Variants in PRAMEF11 observed in about 807,000 individuals in gnomAD.
PRAMEF11 encodes the protein PRAME family member 11.
PRAMEF11 carries 17 observed loss-of-function variants against 33.6 expected under a neutral mutation model. The observed-to-expected ratio is 0.51, with a 90% confidence interval of 0.35 to 0.76. PRAMEF11 has a LOEUF of 0.76. PRAMEF11 is among the 30% of genes least tolerant of loss of function. The pLI is 0.01. For synonymous variants in PRAMEF11, 205 were observed against 227.3 expected (o/e 0.90, Z 0.88); for missense variants, 568 against 567.0 (o/e 1.00, Z -0.02).
In PRAMEF11 at chr1:12,824,731, C is replaced by T. The variant is rs182572639; in HGVS notation, c.*211G>A. The T allele has an allele frequency of 2.2e-5, 16 of 743,186 alleles. 1 individual carries two copies. In the African/African-American group the frequency reaches 2.7e-4, roughly 13 times the overall value. 46.0% of individuals were successfully genotyped at this position (743,186 alleles called of 1,614,324 possible). A position where few individuals can be genotyped will look rare whatever the true frequency, so the allele number is the denominator to read the frequency against. Reference sequence around the variant, plus strand: ...ATTCAGATTCCCATTTTCGACTCTACAGGATACAGGTTCCCAAAGTCCCAT... The same window carrying T: ...ATTCAGATTCCCATTTTCGACTCTATAGGATACAGGTTCCCAAAGTCCCAT... On this transcript the variant is annotated 3_prime_UTR_variant, in exon 4 of 4. Coordinates refer to ENST00000619922, the MANE Select transcript of PRAMEF11 (RefSeq NM_001146344.3).
chr1:12,827,577 A>C lies in PRAMEF11; in HGVS notation c.547T>G (p.Cys183Gly). Residue 183 changes from cysteine (C) to glycine (G), a missense_variant, in exon 3 of 4, where the codon TGC becomes GGC. By Grantham distance (159) the Cys-to-Gly change is radical. Coordinates refer to ENST00000619922, the MANE Select transcript of PRAMEF11 (RefSeq NM_001146344.3). ...CCCAAAATTTTCAGCTTCTTACAGC[A>C]CAGGTGTAGTAAATCTCTCCTCTGC... ...VKQRRDLLHL[C>G]CKKLKILGMP... The C allele has an allele frequency of 6.2e-7, 1 of 1,609,760 alleles. No individual in the cohort carries two copies. The highest frequency in any genetic ancestry group is 8.5e-7 in the Non-Finnish European group (1 of 1,177,756).
Position 12,827,478 on chromosome 1 carries a change from A to C in PRAMEF11, c.646T>G (p.Cys216Gly). 2 of 1,604,914 alleles carry C rather than the reference A, an allele frequency of 1.2e-6. No homozygotes were observed. Among genetic ancestry groups the C allele is most frequent in the Non-Finnish European group, 1.7e-6 (2 of 1,175,142 alleles). Residue 216 changes from cysteine (C) to glycine (G), a missense_variant, in exon 3 of 4, where the codon TGC (cysteine) becomes GGC (glycine). By Grantham distance (159) the Cys-to-Gly change is radical (BLOSUM62 -3). Around this residue, in one of 3 missense-constraint regions of PRAMEF11, gnomAD observed 342 missense variants for 312.0 expected, o/e 1.10. Transcript: ENST00000619922. ...LDCIQEVEVNCKWILPILTQF... is the reference protein window; with the variant it reads ...LDCIQEVEVNGKWILPILTQF... ...GTCAGGATGGGCAGTATCCACTTGC[A>C]ATTCACTTCCACCTCCTGGATACAG...
Position 12,825,070 on chromosome 1 carries a change from T to C in PRAMEF11, c.1309A>G (p.Arg437Gly), listed in dbSNP as rs752840022. ...CTCACTTTCTTCATCAGCTCAGCCC[T>C]AATTTGAGCAAATCTGCTCCAGCAG... ...TLCWSRFAQI[R>G]AELMKKVRHL... The change falls in exon 4 of 4, where the codon AGG (arginine) becomes GGG (glycine). Residue 437 changes from arginine (R) to glycine (G), a missense_variant. Arg to Gly is a moderately radical substitution (Grantham distance 125). Around this residue, in one of 3 missense-constraint regions of PRAMEF11, gnomAD observed 174 missense variants for 127.2 expected, o/e 1.37. Transcript: ENST00000619922. 3.7e-6 allele frequency: 6 copies of C among 1,609,760 alleles called. 1 individual carries two copies. Among genetic ancestry groups the C allele is most frequent in the Non-Finnish European group, 5.1e-6 (6 of 1,177,750 alleles).
At position 12,824,930 on chromosome 1, in the gene PRAMEF11, A is replaced by G. The variant is rs1417321230; in HGVS notation, c.*12T>C. The G allele has an allele frequency of 6.2e-7, 1 of 1,608,364 alleles. No individual in the cohort carries two copies. The highest frequency in any genetic ancestry group is 8.5e-7 in the Non-Finnish European group (1 of 1,177,426). ...GAAAGCGTTTGACATACCCATCCAA[A>G]TAGGCAGGCATTCAACAGCAGTATT... On this transcript the variant is annotated 3_prime_UTR_variant, in exon 4 of 4. Transcript: ENST00000619922.
intron 1 of PRAMEF11, 30 bp downstream of exon 1, chr1:12,831,326 G>T (rs1413592979): frequency 6.6e-6 from 1 of 151,084 alleles, no homozygotes; most frequent in Non-Finnish European, 1.5e-5. Context: ...AGGTCAGATG[G>T]GAGTGTCCTT....
At chr1:12,827,134 T>C (rs1249024650) in intron 3 of PRAMEF11, 115 bp downstream of exon 3, 13 of 1,567,504 alleles carry the variant, frequency 8.3e-6, no homozygotes, top group Non-Finnish European at 1.1e-5. Context: ...ATGGACATTC[T>C]AGTGTCCCCT....
In PRAMEF11 at chr1:12,824,800, T is replaced by G. The variant is rs931275634; in HGVS notation, c.*142A>C. 1 of 1,346,454 alleles carries G rather than the reference T, an allele frequency of 7.4e-7. No homozygotes were observed. The highest frequency in any genetic ancestry group is 1.0e-6 in the Non-Finnish European group (1 of 979,352). 83.4% of individuals were successfully genotyped at this position (1,346,454 alleles called of 1,614,324 possible). A position where few individuals can be genotyped will look rare whatever the true frequency, so the allele number is the denominator to read the frequency against. ...TCCCCCAAGTCCTGCCCCTGCTTGA[T>G]CAGCTTTCCTTTCCCACTTTCAGAG... On this transcript the variant is annotated 3_prime_UTR_variant, in exon 4 of 4. Transcript: ENST00000619922.
chr1:12,829,231 T>A (rs1639954356), intron 1 of PRAMEF11, among the ~76,000 whole-genome samples: 1 of 151,034 alleles, frequency 6.6e-6, no homozygotes, highest in Non-Finnish European at 1.5e-5. Context: ...CTAGAACAGG[T>A]TCTATTTGTT....
At position 12,827,106 on chromosome 1, in the gene PRAMEF11, C is replaced by T. The variant is rs562966143; in HGVS notation, c.875+143G>A. 14 of 1,521,526 alleles carry T rather than the reference C, an allele frequency of 9.2e-6. No individual in the cohort carries two copies. The African/African-American group carries it at 1.6e-4, about 18-fold the overall frequency. The allele number at this position is 1,521,526 out of a possible 1,614,324, so 94.3% of individuals were successfully genotyped here. The stretch of plus-strand genomic sequence containing the variant: ...GCATGATACCCATTTCAGGACAGGG[C>T]CGCCAACAGGACAATGCATGGACAT... On this transcript the variant is annotated intron_variant, in intron 3 of 3. Transcript: ENST00000619922.
chr1:12,827,672 A>T lies in PRAMEF11; in HGVS notation c.452T>A (p.Val151Glu). 6.2e-7 allele frequency: 1 copy of T among 1,609,748 alleles called. No individual in the cohort carries two copies. Residue 151 changes from valine (V) to glutamate (E), a missense_variant, in exon 3 of 4, where the codon GTG becomes GAG. Physicochemically the swap from Val to Glu is moderately radical, Grantham distance 121 (BLOSUM62 -2). Coordinates refer to ENST00000619922, the MANE Select transcript of PRAMEF11 (RefSeq NM_001146344.3). Reference sequence around the variant, plus strand: ...GTTCTTGAGCCAAAGTTCTACAAACACAGTCAAGGGCTGCCGTCCTCTCAT... The same window carrying T: ...GTTCTTGAGCCAAAGTTCTACAAACTCAGTCAAGGGCTGCCGTCCTCTCAT... ...PRMRGRQPLT[V>E]FVELWLKNRT...
At chr1:12,829,962 C>G (rs112878529) in intron 1 of PRAMEF11, among the ~76,000 whole-genome samples, 3 of 151,284 alleles carry the variant, frequency 2.0e-5, no homozygotes, top group African/African-American at 2.4e-5. Flanking sequence ...ATTAACTGAT[C>G]GAATTAGATA....
intron 2 of PRAMEF11, among the ~76,000 whole-genome samples, chr1:12,828,063 G>A (rs1245733689): frequency 6.7e-6 from 1 of 149,460 alleles, no homozygotes; most frequent in East Asian, 2.0e-4. Flanking sequence ...TCACCTCACT[G>A]CAACCTCTTC....
At chr1:12,827,118 C>G (rs1480762506) in intron 3 of PRAMEF11, 131 bp downstream of exon 3, 1 of 1,554,476 alleles carries the variant, frequency 6.4e-7, no homozygotes, top group Admixed American at 1.7e-5. Flanking sequence ...GCCAACAGGA[C>G]AATGCATGGA....
chr1:12,828,844 A>G (rs1054895948), intron 1 of PRAMEF11, 39 bp from the exon 2 acceptor site: 17 of 1,604,382 alleles, frequency 1.1e-5, no homozygotes, highest in African/African-American at 9.4e-5. Flanking sequence ...CATCACTCTC[A>G]GGCCAAGCCC....
rs747970487 is a variant in PRAMEF11, at chr1:12,828,790, G to T, written c.-1C>A. The T allele has an allele frequency of 1.1e-5, 17 of 1,609,138 alleles. 1 individual carries two copies. Among genetic ancestry groups the T allele is most frequent in the Non-Finnish European group, 1.2e-5 (14 of 1,178,002 alleles). On this transcript the variant is annotated 5_prime_UTR_variant, in exon 2 of 4. Coordinates refer to ENST00000619922, the MANE Select transcript of PRAMEF11 (RefSeq NM_001146344.3). ...GTGGAATCCGGATGCTCATCTTCAT[G>T]AATCTGCAGGGAAAACTTCCAGAGG... is the stretch of plus-strand genomic sequence containing the variant.
intron 3 of PRAMEF11, among the ~76,000 whole-genome samples, chr1:12,826,370 G>A (rs1473909457): frequency 1.0e-4 from 15 of 150,458 alleles, no homozygotes; most frequent in African/African-American, 1.5e-4. Context: ...TCACCAAACT[G>A]TGGGGCACAA....
chr1:12,829,983 A>G (rs554231265), intron 1 of PRAMEF11, among the ~76,000 whole-genome samples: 1,939 of 151,554 alleles, frequency 0.013, 72 homozygotes, highest in African/African-American at 0.045. Context: ...TTCATCCATC[A>G]AAATGAAAGA....
At chr1:12,828,860 A>T (rs1313119470) in intron 1 of PRAMEF11, 55 bp from the exon 2 acceptor site, 1 of 1,601,822 alleles carries the variant, frequency 6.2e-7, no homozygotes, top group African/African-American at 1.3e-5. Context: ...AGCCCATGCA[A>T]TCTCATCTTC....
chr1:12,828,753 C>A lies in PRAMEF11; in HGVS notation c.37G>T (p.Glu13Ter), dbSNP rs544259118. 27 of 1,609,858 alleles carry A rather than the reference C, an allele frequency of 1.7e-5. No individual in the cohort carries two copies. The highest frequency in any genetic ancestry group is 2.2e-5 in the Non-Finnish European group (26 of 1,178,028). ...CTCAGCAGGCTCCGCCCCGCAAGCT[C>A]CAGGAGTCTGGGTGGAATCCGGATG... ...MSIRIPPRLL[E>*]LAGRSLLRDQ... The change falls in exon 2 of 4, where the codon GAG becomes TAG. Residue 13 changes from glutamate (E) to a stop codon, truncating the protein, a stop_gained. Coordinates refer to ENST00000619922, the MANE Select transcript of PRAMEF11 (RefSeq NM_001146344.3). LOFTEE classifies it high-confidence loss of function.
Sources: allele counts gnomAD v4.1 joint callset (sites outside exome capture counted in the v4.1 genomes callset), GRCh38; gene constraint gnomAD v4.1.1; regional missense constraint gnomAD v4.1.1; transcripts MANE v1.5; gene names NCBI Gene and HGNC (gene_info 2026-07-23, HGNC 2026-07-21).